SIPA1L3: variants seen among roughly 807,000 people sequenced by gnomAD.
SIPA1L3 encodes signal induced proliferation associated 1 like 3.
SIPA1L3 carries 59 observed loss-of-function variants against 150.1 expected under a neutral mutation model. That is an observed-to-expected ratio of 0.39 (90% CI 0.32 to 0.49). The LOEUF is 0.49. SIPA1L3 is among the 20% of genes least tolerant of loss of function. SIPA1L3 has a pLI of 0.86. For synonymous variants in SIPA1L3, 1,070 were observed against 1,077.6 expected, an observed-to-expected ratio of 0.99 and a Z score of 0.14; for missense variants, 2,211 against 2,489.5, an observed-to-expected ratio of 0.89 and a Z score of 2.38.
intron 10 of SIPA1L3, among the ~76,000 whole-genome samples, chr19:38,138,977 C>T (rs1216907533): frequency 6.7e-6 from 1 of 148,700 alleles, no homozygotes; most frequent in Non-Finnish European, 1.5e-5. Context: ...GGACAGATTA[C>T]TTGAGGTCAG....
At position 38,082,019 on chromosome 19, in the gene SIPA1L3, C is replaced by A. The variant is rs1047125020; in HGVS notation, c.454C>A (p.Gln152Lys). ...GAGAAGGTCCAAAGACGTGGAGTTCCAGGACGGGTGGCCCCGGTCCCCCGG... is the reference window on the plus strand; with the variant it reads ...GAGAAGGTCCAAAGACGTGGAGTTCAAGGACGGGTGGCCCCGGTCCCCCGG... The part of the protein sequence containing the change: ...SRRRSKDVEF[Q>K]DGWPRSPGRA... The change falls in exon 3 of 22, where the codon CAG becomes AAG. Residue 152 changes from glutamine (Q) to lysine (K), a missense_variant. Physicochemically the swap from Gln to Lys is moderately conservative, Grantham distance 53. Coordinates refer to ENST00000222345, the MANE Select transcript of SIPA1L3 (RefSeq NM_015073.3). 1.2e-6 allele frequency: 2 copies of A among 1,614,082 alleles called. No homozygotes were observed. Among genetic ancestry groups the A allele is most frequent in the East Asian group, 4.5e-5 (2 of 44,896 alleles).
chr19:38,065,224 G>C (rs1969544685), intron 2 of SIPA1L3, among the ~76,000 whole-genome samples: 1 of 152,068 alleles, frequency 6.6e-6, no homozygotes, highest in Non-Finnish European at 1.5e-5. Context: ...GCTCTGCGTG[G>C]GAGCCTGTCG....
At chr19:38,189,818 A>G (rs1972766272) in intron 16 of SIPA1L3, among the ~76,000 whole-genome samples, 1 of 152,200 alleles carries the variant, frequency 6.6e-6, no homozygotes, top group Non-Finnish European at 1.5e-5. Flanking sequence ...ATTAGAAACG[A>G]GAGTTTGGTA....
At chr19:37,912,918 GC>G (rs1426990874) in intron 1 of SIPA1L3, among the ~76,000 whole-genome samples, 2 of 152,204 alleles carry the variant, frequency 1.3e-5, no homozygotes, top group Non-Finnish European at 2.9e-5. Flanking sequence ...GAGGAGATTT[GC>G]CCAGGAAGAC....
At chr19:38,193,487 G>T in intron 17 of SIPA1L3, 50 bp from the exon 18 acceptor site, 1 of 1,416,636 alleles carries the variant, frequency 7.1e-7, no homozygotes. Flanking sequence ...GAGGACCCTG[G>T]CTATGAGCCA....
At chr19:38,094,613 A>G (rs575142774) in intron 4 of SIPA1L3, among the ~76,000 whole-genome samples, 2 of 152,278 alleles carry the variant, frequency 1.3e-5, no homozygotes, top group African/African-American at 4.8e-5. Context: ...AAGCAAAAAA[A>G]TGTAGCTTCC....
chr19:38,133,859 A>G (rs1971370263), intron 10 of SIPA1L3, among the ~76,000 whole-genome samples: 1 of 152,196 alleles, frequency 6.6e-6, no homozygotes, highest in East Asian at 1.9e-4. Flanking sequence ...GGCCAGACCC[A>G]GTGAATTTGT....
Position 38,082,501 on chromosome 19 carries a change from G to A in SIPA1L3, c.936G>A (p.Gly312=). The change falls in exon 3 of 22, where the codon GGG becomes GGA. Residue 312 remains glycine, a synonymous_variant. Transcript: ENST00000222345. The stretch of plus-strand genomic sequence containing the variant: ...AGCTAAGGAGCAGCAAACCCGAGGG[G>A]GAGGCTGGGCGTTCCCCGGGGGAGG... The part of the protein sequence containing the change: ...FRKLRSSKPE[G]EAGRSPGEAD... 1 of 1,595,838 alleles carries A rather than the reference G, an allele frequency of 6.3e-7. No individual in the cohort carries two copies. Among genetic ancestry groups the A allele is most frequent in the Admixed American group, 1.7e-5 (1 of 59,186 alleles).
chr19:38,191,957 G>T (rs561819023), intron 16 of SIPA1L3, among the ~76,000 whole-genome samples, 188 bp from the exon 17 acceptor site: 2 of 152,316 alleles, frequency 1.3e-5, no homozygotes, highest in East Asian at 3.9e-4. Flanking sequence ...AGCTCTGTGT[G>T]GTTCCCGGAA....
At chr19:38,116,219 A>G (rs983317865) in intron 8 of SIPA1L3, among the ~76,000 whole-genome samples, 1 of 152,170 alleles carries the variant, frequency 6.6e-6, no homozygotes, top group African/African-American at 2.4e-5. Flanking sequence ...CCATTAAGAA[A>G]CATAAAGAGA....
intron 4 of SIPA1L3, among the ~76,000 whole-genome samples, chr19:38,093,817 G>A (rs1970317636): frequency 1.3e-5 from 2 of 152,324 alleles, no homozygotes; most frequent in South Asian, 4.1e-4. Flanking sequence ...CCCCACCAAG[G>A]CAGGAACAGA....
intron 1 of SIPA1L3, among the ~76,000 whole-genome samples, chr19:38,021,544 C>CTTT (rs34706897): frequency 1.1e-3 from 159 of 143,518 alleles, no homozygotes; most frequent in African/African-American, 3.9e-3. Flanking sequence ...GAGTCTGATC[C>CTTT]TTTTTTTTTT....
chr19:38,057,733 G>A (rs1969353971), intron 2 of SIPA1L3, among the ~76,000 whole-genome samples: 1 of 151,538 alleles, frequency 6.6e-6, no homozygotes, highest in South Asian at 2.1e-4. Flanking sequence ...TGCAAGCTCC[G>A]CCTCCCAGGT....
rs560404791 is a variant in SIPA1L3, at chr19:37,922,629, T to G, written c.-379+15271T>G. On this transcript the variant is annotated intron_variant, in intron 1 of 21. Coordinates refer to ENST00000222345, the MANE Select transcript of SIPA1L3 (RefSeq NM_015073.3). ...AGGATGGTCTCGATCTCCTGACCTCTTGATCAGCCTGCCTCGGCCTCCCAG... is the reference window on the plus strand; with the variant it reads ...AGGATGGTCTCGATCTCCTGACCTCGTGATCAGCCTGCCTCGGCCTCCCAG... Among the ~76,000 whole-genome samples the G allele has an allele frequency of 4.0e-5, 6 of 148,810 alleles. No homozygotes were observed. The South Asian group carries it at 1.1e-3, about 27-fold the overall frequency.
At chr19:38,135,521 G>A (rs984512910) in intron 10 of SIPA1L3, among the ~76,000 whole-genome samples, 1 of 152,172 alleles carries the variant, frequency 6.6e-6, no homozygotes, top group African/African-American at 2.4e-5. Flanking sequence ...GGGTGCACAC[G>A]ATAAGCCAGC....
intron 9 of SIPA1L3, among the ~76,000 whole-genome samples, chr19:38,123,890 AG>A (rs1971096719): frequency 8.2e-6 from 1 of 122,052 alleles, no homozygotes; most frequent in African/African-American, 3.7e-5. Flanking sequence ...GGCCGGGCAG[AG>A]GGGCTCCTCA....
intron 15 of SIPA1L3, among the ~76,000 whole-genome samples, chr19:38,177,872 A>C (rs1972471549): frequency 6.6e-6 from 1 of 152,076 alleles, no homozygotes; most frequent in African/African-American, 2.4e-5. Flanking sequence ...CTAAAAATAC[A>C]AAAATTATCC....
chr19:38,062,935 G>A (rs1024883813), intron 2 of SIPA1L3, among the ~76,000 whole-genome samples: 4 of 152,108 alleles, frequency 2.6e-5, no homozygotes, highest in Non-Finnish European at 4.4e-5. Context: ...TTCTCAAATG[G>A]GGTGGCCCCA....
In SIPA1L3 at chr19:38,130,641, C is replaced by T. The variant is rs1277875464; in HGVS notation, c.3012C>T (p.Gly1004=). 6 of 1,613,624 alleles carry T rather than the reference C, an allele frequency of 3.7e-6. No individual in the cohort carries two copies. The highest frequency in any genetic ancestry group is 5.1e-6 in the Non-Finnish European group (6 of 1,180,048). ...GFAWQAGLRQ[G]SRLVEICKVA... ...CCTGGCAGGCCGGCCTCCGGCAGGG[C>T]AGCCGACTAGTGGAGATCTGCAAGG... is the stretch of plus-strand genomic sequence containing the variant. Residue 1004 remains glycine, a synonymous_variant, in exon 10 of 22, where the codon GGC becomes GGT. Transcript: ENST00000222345.
Sources: gnomAD v4.1 joint callset for allele counts (sites outside exome capture counted in the v4.1 genomes callset) on GRCh38, gnomAD v4.1.1 for gene constraint, MANE v1.5 for transcripts, NCBI Gene and HGNC (gene_info 2026-07-23, HGNC 2026-07-21) for gene names.